MYO5B: variants seen among roughly 807,000 people sequenced by gnomAD.
MYO5B encodes the protein myosin VB, also known as unconventional myosin-Vb.
Under a neutral mutation model 229.3 loss-of-function variants are expected in MYO5B, and 143 were observed. The ratio of observed to expected loss-of-function variants is 0.62; its 90% confidence interval spans 0.54 to 0.72. MYO5B has a LOEUF of 0.72. MYO5B is among the 30% of genes least tolerant of loss of function. The pLI is 0.00. For synonymous variants in MYO5B, 918 were observed against 885.2 expected, an observed-to-expected ratio of 1.04 and a Z score of -0.66; for missense variants, 2,321 against 2,331.0, an observed-to-expected ratio of 1.00 and a Z score of 0.09.
chr18:50,093,801 T>G lies in MYO5B; in HGVS notation c.28-38423A>C, dbSNP rs995347253. 2.0e-5 allele frequency among the ~76,000 whole-genome samples: 3 copies of G among 151,990 alleles called. No individual in the cohort carries two copies. In the South Asian group the frequency reaches 6.3e-4, roughly 32 times the overall value. ...AAAGAAAAAAGAAAAAGAAAGACAC[T>G]CCCACCAGTGCCATGACAATTTACA... On this transcript the variant is annotated intron_variant, in intron 1 of 39. Transcript: ENST00000285039.
intron 4 of MYO5B, among the ~76,000 whole-genome samples, chr18:50,006,206 T>C (rs2026099093): frequency 1.3e-5 from 2 of 152,188 alleles, no homozygotes; most frequent in Non-Finnish European, 2.9e-5. Flanking sequence ...ACTGTGGCTA[T>C]TTAGGGCTCG....
chr18:49,976,903 C>T (rs990969127), intron 9 of MYO5B, among the ~76,000 whole-genome samples: 4 of 152,170 alleles, frequency 2.6e-5, no homozygotes, highest in African/African-American at 7.2e-5. Flanking sequence ...AGGTGGCAAG[C>T]GTCCAATTTG....
chr18:50,195,051 A>C lies in MYO5B; in HGVS notation c.-258T>G, dbSNP rs545858094. Reference sequence around the variant, plus strand: ...GCGCCGGGGGAGGAGGCCGCGCCGCACCACTCCCCTCCCAGGTGTGGGGAG... The same window carrying C: ...GCGCCGGGGGAGGAGGCCGCGCCGCCCCACTCCCCTCCCAGGTGTGGGGAG... On this transcript the variant is annotated 5_prime_UTR_variant, in exon 1 of 40. Coordinates refer to ENST00000285039, the MANE Select transcript of MYO5B (RefSeq NM_001080467.3). The C allele has an allele frequency of 3.4e-4, 116 of 343,926 alleles. No individual in the cohort carries two copies. Among genetic ancestry groups the C allele is most frequent in the Middle Eastern group, 7.9e-4 (1 of 1,268 alleles). 21.3% of individuals were successfully genotyped at this position (343,926 alleles called of 1,614,324 possible). A position where few individuals can be genotyped will look rare whatever the true frequency, so the allele number is the denominator to read the frequency against.
Position 49,974,529 on chromosome 18 carries a change from C to T in MYO5B, c.1143G>A (p.Leu381=). 3 of 1,614,126 alleles carry T rather than the reference C, an allele frequency of 1.9e-6. No homozygotes were observed. The highest frequency in any genetic ancestry group is 2.5e-6 in the Non-Finnish European group (3 of 1,180,024). The part of the protein sequence containing the change: ...QMEHWLCHRK[L]VTTSETYVKT... Reference sequence around the variant, plus strand: ...TGACGTAGGTCTCCGAGGTGGTGACCAGCTTGCGATGACACAGCCAGTGCT... The same window carrying T: ...TGACGTAGGTCTCCGAGGTGGTGACTAGCTTGCGATGACACAGCCAGTGCT... Residue 381 remains leucine (L), a synonymous_variant, in exon 10 of 40, where the codon CTG becomes CTA. Transcript: ENST00000285039.
intron 1 of MYO5B, among the ~76,000 whole-genome samples, chr18:50,128,494 C>T (rs1468522360): frequency 1.3e-5 from 2 of 152,108 alleles, no homozygotes; most frequent in Admixed American, 1.3e-4. Flanking sequence ...AGCCTGGAGC[C>T]CAGGAGGCCA....
chr18:49,912,928 T>C (rs547500776), intron 17 of MYO5B, among the ~76,000 whole-genome samples: 2 of 152,364 alleles, frequency 1.3e-5, no homozygotes, highest in African/African-American at 4.8e-5. Context: ...AAACAGCTTT[T>C]TAAATGCAGA....
intron 10 of MYO5B, among the ~76,000 whole-genome samples, chr18:49,970,522 T>C (rs1299856086): frequency 6.6e-6 from 1 of 152,072 alleles, no homozygotes; most frequent in Non-Finnish European, 1.5e-5. Context: ...CAGAACACAG[T>C]GATGGGGAGA....
intron 21 of MYO5B, among the ~76,000 whole-genome samples, chr18:49,896,343 T>A (rs562467605): frequency 6.6e-6 from 1 of 152,312 alleles, no homozygotes; most frequent in Middle Eastern, 3.4e-3. Flanking sequence ...CTGGTCTGCC[T>A]GCAGCCTTGA....
At chr18:49,896,214 T>C (rs1240593109) in intron 21 of MYO5B, among the ~76,000 whole-genome samples, 1 of 152,134 alleles carries the variant, frequency 6.6e-6, no homozygotes, top group African/African-American at 2.4e-5. Flanking sequence ...TTGTGACCAG[T>C]ACGGCAATGC....
At chr18:49,957,576 G>A (rs2025508608) in intron 12 of MYO5B, among the ~76,000 whole-genome samples, 1 of 151,798 alleles carries the variant, frequency 6.6e-6, no homozygotes, top group African/African-American at 2.4e-5. Flanking sequence ...AGCCTGGTAG[G>A]TTGGGGCCGC....
At chr18:49,919,864 A>T (rs754157656) in intron 17 of MYO5B, among the ~76,000 whole-genome samples, 4 of 152,252 alleles carry the variant, frequency 2.6e-5, no homozygotes, top group Non-Finnish European at 4.4e-5. Context: ...ACATGTACAC[A>T]AGTGTTCATA....
chr18:49,879,995 G>A (rs76923815), intron 23 of MYO5B, among the ~76,000 whole-genome samples: 6,431 of 152,282 alleles, frequency 0.042, 184 homozygotes, highest in South Asian at 0.16. Flanking sequence ...AGCACTTCAC[G>A]TGCAGCCTCT....
At chr18:49,936,199 CACCTGA>C in intron 16 of MYO5B, 47 bp downstream of exon 16, 4 of 1,478,632 alleles carry the variant, frequency 2.7e-6, no homozygotes, top group Non-Finnish European at 3.7e-6. Context: ...CACCCTGTTC[CACCTGA>C]ACCTCTAAGG....
chr18:49,874,387 T>C (rs934957391), intron 26 of MYO5B, among the ~76,000 whole-genome samples: 5 of 152,262 alleles, frequency 3.3e-5, no homozygotes, highest in African/African-American at 1.2e-4. Context: ...TGATGTCATC[T>C]GTGTAGCTTT....
chr18:50,168,327 A>T (rs1261350582), intron 1 of MYO5B, among the ~76,000 whole-genome samples: 3 of 152,236 alleles, frequency 2.0e-5, no homozygotes, highest in Non-Finnish European at 4.4e-5. Flanking sequence ...TGATTTACTG[A>T]GAGTCCTTTG....
chr18:50,070,018 C>CTTTTTTTTTTTTTTTT (rs765610800), intron 1 of MYO5B, among the ~76,000 whole-genome samples: 25 of 110,068 alleles, frequency 2.3e-4, no homozygotes, highest in African/African-American at 8.7e-4. Flanking sequence ...GCAATTTAGT[C>CTTTTTTTTTTTTTTTT]TTTTTTTTTT....
chr18:50,194,950 G>A lies in MYO5B; in HGVS notation c.-157C>T, dbSNP rs1020290010. 1.0e-5 allele frequency: 11 copies of A among 1,097,736 alleles called. No homozygotes were observed. The highest frequency in any genetic ancestry group is 1.6e-5 in the African/African-American group (1 of 61,012). 68.0% of individuals were successfully genotyped at this position (1,097,736 alleles called of 1,614,324 possible). A position where few individuals can be genotyped will look rare whatever the true frequency, so the allele number is the denominator to read the frequency against. On this transcript the variant is annotated 5_prime_UTR_variant, in exon 1 of 40. Coordinates refer to ENST00000285039, the MANE Select transcript of MYO5B (RefSeq NM_001080467.3). ...GCCCCGCCGGCTTCCCGCAGGCGCC[G>A]CGGCCGGCTCGCTCCCGGCGGCGCG...
chr18:49,989,336 C>G (rs967104944), intron 7 of MYO5B, among the ~76,000 whole-genome samples: 8 of 152,134 alleles, frequency 5.3e-5, no homozygotes, highest in African/African-American at 1.9e-4. Flanking sequence ...GGATTTGGAT[C>G]AGGAACAGCC....
At chr18:49,862,703 A>C (rs1469059000) in intron 29 of MYO5B, among the ~76,000 whole-genome samples, 1 of 152,112 alleles carries the variant, frequency 6.6e-6, no homozygotes, top group Non-Finnish European at 1.5e-5. Context: ...TGCTAAACTC[A>C]CATCCAGGGA....
Sources: allele counts gnomAD v4.1 joint callset (sites outside exome capture counted in the v4.1 genomes callset), GRCh38; gene constraint gnomAD v4.1.1; transcripts MANE v1.5; gene names NCBI Gene and HGNC (gene_info 2026-07-23, HGNC 2026-07-21).